CENPM: variants seen among roughly 807,000 people sequenced by gnomAD.
CENPM encodes centromere protein M.
In CENPM, 14 loss-of-function variants were observed where a neutral mutation model predicts 19.6. The ratio of observed to expected loss-of-function variants is 0.71; its 90% CI spans 0.47 to 1.11. The LOEUF is 1.11. CENPM is among the 50% of genes most tolerant of loss of function. The pLI, the probability that CENPM is intolerant of heterozygous loss-of-function variation, is 0.00. For synonymous variants in CENPM, 114 were observed against 101.5 expected, an observed-to-expected ratio of 1.12 and a Z score of -0.74; for missense variants, 239 against 228.4, an observed-to-expected ratio of 1.05 and a Z score of -0.30.
intron 3 of CENPM, 84 bp downstream of exon 3, chr22:41,945,829 C>T (rs2077793840): frequency 1.8e-6 from 2 of 1,086,032 alleles, no homozygotes; most frequent in Admixed American, 2.4e-5. Flanking sequence ...CTCACCACTT[C>T]CCATCACAAG....
intron 4 of CENPM, chr22:41,944,234 C>G (rs1416620882): frequency 1.6e-6 from 1 of 620,134 alleles, no homozygotes. Flanking sequence ...GTCAGGAGTT[C>G]AAGACCAGCC....
chr22:41,931,097 A>G, the CENPM span, among the ~76,000 whole-genome samples: 1 of 151,268 alleles, frequency 6.6e-6, no homozygotes, highest in Non-Finnish European at 1.5e-5. Flanking sequence ...CGGCCTCCCA[A>G]AGTGCTGGGA....
chr22:41,927,624 C>G, the CENPM span, among the ~76,000 whole-genome samples: 1 of 151,892 alleles, frequency 6.6e-6, no homozygotes, highest in African/African-American at 2.4e-5. Flanking sequence ...CTCAGCCTCC[C>G]GAGTAACTGG....
At chr22:41,941,445 G>A (rs1479905436) in intron 5 of CENPM, among the ~76,000 whole-genome samples, 1 of 152,132 alleles carries the variant, frequency 6.6e-6, no homozygotes, top group Non-Finnish European at 1.5e-5. Context: ...CCAGGACCTG[G>A]CCTGGCCTGC....
At chr22:41,927,394 G>A in the CENPM span, among the ~76,000 whole-genome samples, 3 of 151,974 alleles carry the variant, frequency 2.0e-5, no homozygotes, top group African/African-American at 4.8e-5. Context: ...CCTCTGCTCC[G>A]TCTAGCCAAA....
intron 3 of CENPM, 128 bp from the exon 4 acceptor site, chr22:41,945,432 A>G (rs2077788409): frequency 6.7e-7 from 1 of 1,481,610 alleles, no homozygotes; most frequent in Non-Finnish European, 9.0e-7. Context: ...TCTCTGGAGA[A>G]ATATTTGTCC....
chr22:41,936,477 C>T (rs979059013), downstream of CENPM, among the ~76,000 whole-genome samples: 1 of 152,206 alleles, frequency 6.6e-6, no homozygotes, highest in Non-Finnish European at 1.5e-5. Flanking sequence ...TCTACAAACC[C>T]TTACTGAGCA....
chr22:41,934,193 C>G (rs2077674802), downstream of CENPM, among the ~76,000 whole-genome samples: 2 of 152,156 alleles, frequency 1.3e-5, no homozygotes, highest in African/African-American at 4.8e-5. Flanking sequence ...GCTGCAGAGC[C>G]CCTCCTTGCT....
intron 2 of CENPM, 33 bp from the exon 3 acceptor site, chr22:41,946,038 T>A (rs373276480): frequency 6.4e-7 from 1 of 1,559,922 alleles, no homozygotes; most frequent in African/African-American, 1.4e-5. Context: ...ACTCAAGATA[T>A]CCGTACCCCC....
intron 4 of CENPM, chr22:41,944,234 C>T: frequency 6.4e-6 from 4 of 620,252 alleles, no homozygotes; most frequent in Non-Finnish European, 8.1e-6. Context: ...GTCAGGAGTT[C>T]AAGACCAGCC....
At chr22:41,936,796 C>A (rs941043883), downstream of CENPM, among the ~76,000 whole-genome samples, 1 of 152,130 alleles carries the variant, frequency 6.6e-6, no homozygotes, top group African/African-American at 2.4e-5. Flanking sequence ...GGCATGGTGG[C>A]GTGCACCTGT....
At chr22:41,929,283 G>T in the CENPM span, among the ~76,000 whole-genome samples, 1 of 152,164 alleles carries the variant, frequency 6.6e-6, no homozygotes, top group Admixed American at 6.5e-5. Flanking sequence ...ATCCATGTTG[G>T]TGCTGGTATT....
chr22:41,944,998 C>A (rs1310712865), intron 4 of CENPM: 1 of 1,367,900 alleles, frequency 7.3e-7, no homozygotes, highest in African/African-American at 1.5e-5. Flanking sequence ...AAACTTGTGT[C>A]ATGGGGTTTG....
At chr22:41,933,540 C>T in the CENPM span, among the ~76,000 whole-genome samples, 1 of 152,082 alleles carries the variant, frequency 6.6e-6, no homozygotes, top group South Asian at 2.1e-4. Flanking sequence ...TGTGCAGGTC[C>T]GGGGCTCTGG....
intron 1 of CENPM, 140 bp from the exon 2 acceptor site, chr22:41,946,636 C>T: frequency 1.4e-6 from 1 of 695,376 alleles, no homozygotes; most frequent in Non-Finnish European, 2.4e-6. Context: ...AAGTGGACCC[C>T]GCGAAGCGGC....
downstream of CENPM, among the ~76,000 whole-genome samples, chr22:41,937,619 T>C (rs1185432168): frequency 6.8e-6 from 1 of 147,396 alleles, no homozygotes; most frequent in Non-Finnish European, 1.5e-5. Context: ...CATTAACACA[T>C]GTTATGAACA....
intron 5 of CENPM, among the ~76,000 whole-genome samples, chr22:41,942,615 G>A (rs1038251170): frequency 2.0e-5 from 3 of 152,106 alleles, no homozygotes; most frequent in African/African-American, 7.2e-5. Flanking sequence ...GCTGGGCGTG[G>A]TGGTGGGTGC....
chr22:41,928,609 G>T, the CENPM span, among the ~76,000 whole-genome samples: 2 of 152,128 alleles, frequency 1.3e-5, no homozygotes, highest in African/African-American at 2.4e-5. This position sits in a 1 kb window ranked among gnomAD's most constrained non-coding sequence, Gnocchi z 4.0. Flanking sequence ...AACACTCCAG[G>T]CGGAGGGCTG....
At chr22:41,941,880 C>A (rs767100717) in intron 5 of CENPM, among the ~76,000 whole-genome samples, 5 of 152,198 alleles carry the variant, frequency 3.3e-5, no homozygotes, top group Non-Finnish European at 7.4e-5. Context: ...TGGCTGCTGC[C>A]ACATGAGACA....
Sources: gnomAD v4.1 joint callset for allele counts (sites outside exome capture counted in the v4.1 genomes callset) on GRCh38, gnomAD v4.1.1 for gene constraint, Gnocchi (gnomAD v3.1) non-coding constraint, MANE v1.5 for transcripts, NCBI Gene and HGNC (gene_info 2026-07-23, HGNC 2026-07-21) for gene names.